The following DVL1 variants were observed in gnomAD, a reference collection of about 807,000 sequenced individuals.
DVL1 encodes the protein segment polarity protein dishevelled homolog DVL-1.
DVL1 carries 49 observed loss-of-function variants against 65.0 expected under a neutral mutation model. That is an observed-to-expected ratio of 0.75 (90% CI 0.60 to 0.96). The LOEUF (loss-of-function observed/expected upper bound fraction) is 0.96, where lower values mean the gene tolerates loss of function less well. Ranked by LOEUF, DVL1 falls within the 40% of genes least tolerant of loss-of-function variation. DVL1 has a pLI of 0.00. For synonymous variants in DVL1, 608 were observed against 433.9 expected (o/e 1.40, Z -4.99); for missense variants, 1,197 against 1,045.4 (o/e 1.15, Z -2.00).
At chr1:1,340,216 C>T (rs749293444) in intron 7 of DVL1, 31 bp downstream of exon 7, 25 of 1,613,742 alleles carry the variant, frequency 1.5e-5, no homozygotes, top group Non-Finnish European at 1.9e-5. Flanking sequence ...AGCCCCTGCC[C>T]CTGCCCCCAA....
chr1:1,347,166 G>A (rs549099345), intron 1 of DVL1, among the ~76,000 whole-genome samples: 62 of 152,126 alleles, frequency 4.1e-4, no homozygotes, highest in Non-Finnish European at 7.7e-4. Context: ...CATCACCCCA[G>A]TCCATTCTTT....
chr1:1,341,851 G>A (rs1455452823), intron 4 of DVL1, 46 bp from the exon 5 acceptor site: 3 of 1,528,394 alleles, frequency 2.0e-6, no homozygotes, highest in Non-Finnish European at 1.8e-6. Flanking sequence ...TCTCCCAGAG[G>A]TCATGGGTTT....
rs374246352 is a variant in DVL1, at chr1:1,336,491, C to T, written c.1739G>A (p.Arg580Gln). The T allele has an allele frequency of 5.1e-5, 78 of 1,529,700 alleles. No homozygotes were observed. In the Middle Eastern group the frequency reaches 5.8e-4, roughly 11 times the overall value. 94.8% of individuals were successfully genotyped at this position (1,529,700 alleles called of 1,614,324 possible). A position where few individuals can be genotyped will look rare whatever the true frequency, so the allele number is the denominator to read the frequency against. Residue 580 changes from arginine (R) to glutamine (Q), a missense_variant, in exon 15 of 15, where the codon CGG becomes CAG. Coordinates refer to ENST00000378888, the MANE Select transcript of DVL1 (RefSeq NM_001330311.2). ...SEGSKSSGST[R>Q]SSRRAPGREK... ...ACGGCCCGGGGCCCGGCGGCTGCTC[C>T]GGGTGGACCCACTGCTTTTGCTCCC...
At chr1:1,338,946 C>G (rs1415587505) in intron 11 of DVL1, among the ~76,000 whole-genome samples, 2 of 152,240 alleles carry the variant, frequency 1.3e-5, no homozygotes, top group Non-Finnish European at 2.9e-5. Flanking sequence ...ACAGGGCAGG[C>G]CCCTTCCCCT....
chr1:1,341,648 C>T lies in DVL1; in HGVS notation c.605+19G>A, dbSNP rs1372165633. 6.3e-7 allele frequency: 1 copy of T among 1,587,510 alleles called. No homozygotes were observed. Among genetic ancestry groups the T allele is most frequent in the African/African-American group, 1.3e-5 (1 of 74,636 alleles). Reference sequence around the variant, plus strand: ...AAGTGGGCACACAGGCATACACGCCCACAGACACTCCCACACACCTGCTCG... The same window carrying T: ...AAGTGGGCACACAGGCATACACGCCTACAGACACTCCCACACACCTGCTCG... On this transcript the variant is annotated intron_variant, in intron 5 of 14. Transcript: ENST00000378888.
In DVL1 at chr1:1,335,791, C is replaced by T; in HGVS notation, c.*351G>A. The T allele has an allele frequency of 3.1e-6, 1 of 321,420 alleles. No individual in the cohort carries two copies. Among genetic ancestry groups the T allele is most frequent in the Non-Finnish European group, 5.8e-6 (1 of 172,104 alleles). The allele number at this position is 321,420 out of a possible 1,614,324, so 19.9% of individuals were successfully genotyped here. Reference sequence around the variant, plus strand: ...GGCCTGTGCACCGCAGGGGGTTGCCCCGCATGGACCACCCTGGGGGCCTGG... The same window carrying T: ...GGCCTGTGCACCGCAGGGGGTTGCCTCGCATGGACCACCCTGGGGGCCTGG... On this transcript the variant is annotated 3_prime_UTR_variant, in exon 15 of 15. Coordinates refer to ENST00000378888, the MANE Select transcript of DVL1 (RefSeq NM_001330311.2).
rs1643705841 is a variant in DVL1 at position 1,339,396 on chromosome 1, G to A, written c.1098C>T (p.His366=). The change falls in exon 11 of 15, where the codon CAC becomes CAT. Residue 366 remains histidine (H), a synonymous_variant. Transcript: ENST00000378888. ...RPIDPAAWLS[H]TAALTGALPR... is the part of the protein sequence containing the mutation. Reference sequence around the variant, plus strand: ...GCAGGGCTCCTGTCAGTGCCGCCGTGTGGGACAGCCAGGCGGCGGGGTCGA... The same window carrying A: ...GCAGGGCTCCTGTCAGTGCCGCCGTATGGGACAGCCAGGCGGCGGGGTCGA... 1.9e-6 allele frequency: 3 copies of A among 1,549,174 alleles called. No individual in the cohort carries two copies. The highest frequency in any genetic ancestry group is 1.2e-5 in the South Asian group (1 of 84,000).
chr1:1,342,821 A>T, intron 1 of DVL1, 63 bp from the exon 2 acceptor site: 1 of 1,525,216 alleles, frequency 6.6e-7, no homozygotes, highest in Non-Finnish European at 9.0e-7. Flanking sequence ...TCTAGAGGTG[A>T]GGCCTGGAGA....
At chr1:1,348,735 C>T (rs1169996468) in intron 1 of DVL1, among the ~76,000 whole-genome samples, 161 bp downstream of exon 1, 1 of 151,956 alleles carries the variant, frequency 6.6e-6, no homozygotes, top group Middle Eastern at 3.2e-3. Flanking sequence ...GCGCGCCGCA[C>T]ACGGGCCGAG....
At chr1:1,348,147 C>G (rs935634129) in intron 1 of DVL1, among the ~76,000 whole-genome samples, 2 of 152,210 alleles carry the variant, frequency 1.3e-5, no homozygotes, top group East Asian at 1.9e-4. Flanking sequence ...GGCCAGGCCT[C>G]AAGCAGACCG....
chr1:1,340,673 G>A (rs1243412492), intron 5 of DVL1, among the ~76,000 whole-genome samples, 170 bp from the exon 6 acceptor site: 1 of 152,110 alleles, frequency 6.6e-6, no homozygotes, highest in African/African-American at 2.4e-5. Flanking sequence ...ATGCATATGA[G>A]CACACACGAA....
At chr1:1,341,900 G>C (rs1312758165) in intron 4 of DVL1, 95 bp from the exon 5 acceptor site, 1 of 1,478,402 alleles carries the variant, frequency 6.8e-7, no homozygotes, top group African/African-American at 1.4e-5. Flanking sequence ...GTGGGTCTGG[G>C]AGCTGGCAGC....
chr1:1,336,873 A>T, intron 14 of DVL1: 1 of 549,860 alleles, frequency 1.8e-6, no homozygotes, highest in Non-Finnish European at 2.4e-6. Context: ...TCCCCACCCA[A>T]GGCCCCACTG....
intron 1 of DVL1, among the ~76,000 whole-genome samples, chr1:1,346,874 C>T (rs767949614): frequency 2.1e-4 from 32 of 152,204 alleles, no homozygotes; most frequent in Non-Finnish European, 4.3e-4. Context: ...CAACTACATT[C>T]GCTTGGCATC....
At chr1:1,342,562 G>A (rs964209912) in intron 2 of DVL1, 78 bp from the exon 3 acceptor site, 5 of 1,575,996 alleles carry the variant, frequency 3.2e-6, no homozygotes, top group Non-Finnish European at 4.3e-6. Flanking sequence ...GGAACAGGGG[G>A]CCAGCAAGCT....
chr1:1,347,350 C>T lies in DVL1; in HGVS notation c.170+1546G>A, dbSNP rs190204890. Among the ~76,000 whole-genome samples the T allele has an allele frequency of 4.8e-3, 725 of 152,310 alleles. 7 individuals are homozygous for T. The highest frequency in any genetic ancestry group is 0.016 in the African/African-American group (676 of 41,552). On this transcript the variant is annotated intron_variant, in intron 1 of 14. Transcript: ENST00000378888. The stretch of plus-strand genomic sequence containing the variant: ...GACCTGCCCACCCTGTTCCCAGGCC[C>T]GGGCACCCACGCGTCCTCCAAATGT...
At chr1:1,339,678 C>A (rs968303881) in intron 9 of DVL1, 29 bp from the exon 10 acceptor site, 3 of 1,612,176 alleles carry the variant, frequency 1.9e-6, no homozygotes, top group Admixed American at 3.3e-5. Flanking sequence ...CACAGCAAGG[C>A]CCCCATGGTC....
chr1:1,344,750 C>T (rs1184626791), intron 1 of DVL1, among the ~76,000 whole-genome samples: 1 of 152,186 alleles, frequency 6.6e-6, no homozygotes, highest in Non-Finnish European at 1.5e-5. Context: ...CTGGAGCAAC[C>T]CAGGGTGAGG....
rs751779370 is a variant in DVL1 at position 1,336,262 on chromosome 1, C to T, written c.1968G>A (p.Gly656=). ...PTTKAYTVVG[G]PPGGPPVREL... Reference sequence around the variant, plus strand: ...CCCGGACAGGGGGTCCCCCGGGTGGCCCCCCCACCACTGTATAGGCCTTGG... The same window carrying T: ...CCCGGACAGGGGGTCCCCCGGGTGGTCCCCCCACCACTGTATAGGCCTTGG... The change falls in exon 15 of 15, where the codon GGG becomes GGA. Residue 656 remains glycine, a synonymous_variant. Transcript: ENST00000378888. 14 of 1,559,256 alleles carry T rather than the reference C, an allele frequency of 9.0e-6. No homozygotes were observed. The highest frequency in any genetic ancestry group is 1.7e-4 in the Middle Eastern group (1 of 6,006).
Sources: gnomAD v4.1 joint callset for allele counts (sites outside exome capture counted in the v4.1 genomes callset) on GRCh38, gnomAD v4.1.1 for gene constraint, MANE v1.5 for transcripts, NCBI Gene and HGNC (gene_info 2026-07-23, HGNC 2026-07-21) for gene names.